The following STAP1 variants were observed in gnomAD, a reference collection of about 807,000 sequenced individuals.
STAP1 encodes signal transducing adaptor family member 1, also known as signal-transducing adaptor protein 1.
Under a neutral mutation model 37.8 loss-of-function variants are expected in STAP1, and 30 were observed. That is an observed-to-expected ratio of 0.79 (90% CI 0.59 to 1.08). The LOEUF is 1.08. Ranked by LOEUF, STAP1 falls within the 50% of genes least tolerant of loss-of-function variation. STAP1 has a pLI of 0.00. For synonymous variants in STAP1, 130 were observed against 116.0 expected (o/e 1.12, Z -0.78); for missense variants, 357 against 349.4 (o/e 1.02, Z -0.17).
chr4:67,559,225 A>G (rs1215299686), intron 1 of STAP1, among the ~76,000 whole-genome samples: 1 of 152,188 alleles, frequency 6.6e-6, no homozygotes, highest in Non-Finnish European at 1.5e-5. Flanking sequence ...ATCACAAAAG[A>G]TTTTGGCTTG....
intron 8 of STAP1, 132 bp downstream of exon 8, chr4:67,593,488 G>A (rs1728164155): frequency 1.5e-6 from 1 of 647,936 alleles, no homozygotes; most frequent in Non-Finnish European, 2.6e-6. Flanking sequence ...TATCCATTTG[G>A]AAATCATTTT....
At chr4:67,583,141 A>G (rs541460608) in intron 5 of STAP1, among the ~76,000 whole-genome samples, 1 of 152,334 alleles carries the variant, frequency 6.6e-6, no homozygotes, top group South Asian at 2.1e-4. Flanking sequence ...ATGAGTGCAA[A>G]CATATTTAAA....
intron 7 of STAP1, 105 bp downstream of exon 7, chr4:67,591,058 A>T (rs1253630199): frequency 9.8e-6 from 6 of 615,028 alleles, no homozygotes; most frequent in Non-Finnish European, 1.3e-5. Flanking sequence ...AATGTGGCAG[A>T]TATACAAGGT....
chr4:67,575,308 A>T, intron 2 of STAP1, 77 bp from the exon 3 acceptor site: 2 of 890,768 alleles, frequency 2.2e-6, no homozygotes, highest in African/African-American at 1.8e-5. Context: ...GGAAGATATT[A>T]CTTATTTTGC....
intron 6 of STAP1, among the ~76,000 whole-genome samples, chr4:67,587,059 G>C (rs1429826375): frequency 6.6e-6 from 1 of 152,162 alleles, no homozygotes; most frequent in East Asian, 1.9e-4. Context: ...CCTCAAAACA[G>C]GTGTTTCAGA....
At chr4:67,581,874 A>G (rs749307109) in intron 5 of STAP1, among the ~76,000 whole-genome samples, 1 of 152,266 alleles carries the variant, frequency 6.6e-6, no homozygotes, top group Non-Finnish European at 1.5e-5. Context: ...CTGACCAATT[A>G]GTCAGTAGTC....
At chr4:67,600,546 G>C (rs748101898) in intron 8 of STAP1, among the ~76,000 whole-genome samples, 1 of 152,052 alleles carries the variant, frequency 6.6e-6, no homozygotes, top group Non-Finnish European at 1.5e-5. Flanking sequence ...GATTATGTCC[G>C]ATGTTTGTTG....
chr4:67,567,592 C>G (rs1727500263), intron 1 of STAP1, among the ~76,000 whole-genome samples: 1 of 152,194 alleles, frequency 6.6e-6, no homozygotes, highest in East Asian at 1.9e-4. Flanking sequence ...TTACAGCAAA[C>G]AATAATTTTC....
At chr4:67,559,127 T>C (rs1336842386) in intron 1 of STAP1, among the ~76,000 whole-genome samples, 198 bp downstream of exon 1, 4 of 152,180 alleles carry the variant, frequency 2.6e-5, no homozygotes, top group Non-Finnish European at 5.9e-5. Flanking sequence ...TATACACATA[T>C]ATAATATGTA....
At chr4:67,563,577 C>G (rs1486947505) in intron 1 of STAP1, among the ~76,000 whole-genome samples, 1 of 152,090 alleles carries the variant, frequency 6.6e-6, no homozygotes, top group Non-Finnish European at 1.5e-5. Context: ...GGTGGCACAC[C>G]CTGTATTCTC....
intron 8 of STAP1, among the ~76,000 whole-genome samples, chr4:67,604,255 G>A (rs576017010): frequency 1.1e-4 from 16 of 152,216 alleles, no homozygotes; most frequent in Non-Finnish European, 5.9e-5. Context: ...TGGGGGAAGA[G>A]ACCAGGTTGG....
intron 6 of STAP1, among the ~76,000 whole-genome samples, chr4:67,587,153 C>T (rs929340732): frequency 5.3e-5 from 8 of 152,170 alleles, no homozygotes; most frequent in Non-Finnish European, 1.2e-4. Flanking sequence ...GCTTGTTATA[C>T]TGTACGACTT....
At chr4:67,571,011 C>T in intron 1 of STAP1, 73 bp from the exon 2 acceptor site, 1 of 1,235,808 alleles carries the variant, frequency 8.1e-7, no homozygotes, top group Non-Finnish European at 1.2e-6. Context: ...AAGAAAGTTA[C>T]AAAGGATAAT....
intron 1 of STAP1, among the ~76,000 whole-genome samples, chr4:67,561,903 C>A (rs1323354686): frequency 6.6e-6 from 1 of 151,804 alleles, no homozygotes; most frequent in Non-Finnish European, 1.5e-5. Context: ...GAAACCCCGT[C>A]TCTACTAAAA....
chr4:67,593,234 T>C (rs1342815962), intron 7 of STAP1, 26 bp from the exon 8 acceptor site: 3 of 1,550,352 alleles, frequency 1.9e-6, no homozygotes, highest in Non-Finnish European at 2.6e-6. Flanking sequence ...TGATGCTGAG[T>C]TTTCTCTCAC....
At chr4:67,568,885 G>C (rs1202723112) in intron 1 of STAP1, among the ~76,000 whole-genome samples, 1 of 152,176 alleles carries the variant, frequency 6.6e-6, no homozygotes, top group Non-Finnish European at 1.5e-5. Context: ...ACATGCGTAG[G>C]CTTCCACTGA....
chr4:67,562,753 C>A (rs1002923852), intron 1 of STAP1, among the ~76,000 whole-genome samples: 1 of 151,860 alleles, frequency 6.6e-6, no homozygotes, highest in Non-Finnish European at 1.5e-5. Context: ...ACCTGGGCAA[C>A]AGAGGGAGAC....
rs756002065 is a variant in STAP1 at position 67,558,928 on chromosome 4, G to A, written c.119G>A (p.Arg40Gln). 71 of 1,610,700 alleles carry A rather than the reference G, an allele frequency of 4.4e-5. No homozygotes were observed. Among genetic ancestry groups the A allele is most frequent in the Non-Finnish European group, 5.3e-5 (62 of 1,178,474 alleles). Reference sequence around the variant, plus strand: ...TTATTAATCAAGCGGTCAGGATACCGGGTGAGTCTATAGATGATAATGTTA... The same window carrying A: ...TTATTAATCAAGCGGTCAGGATACCAGGTGAGTCTATAGATGATAATGTTA... Reference protein sequence around the residue: ...GFLLIKRSGYREYEHYWTELR... With the variant: ...GFLLIKRSGYQEYEHYWTELR... Residue 40 changes from arginine to glutamine, a missense_variant and splice_region_variant, in exon 1 of 9, where the codon CGG becomes CAG. Arg to Gln is a conservative substitution (Grantham distance 43). Transcript: ENST00000265404.
chr4:67,573,362 T>C (rs1370469901), intron 2 of STAP1, among the ~76,000 whole-genome samples: 1 of 152,170 alleles, frequency 6.6e-6, no homozygotes, highest in Non-Finnish European at 1.5e-5. Flanking sequence ...CAGATGTCAG[T>C]GAGGTTAGAC....
Sources: allele counts gnomAD v4.1 joint callset (sites outside exome capture counted in the v4.1 genomes callset), GRCh38; gene constraint gnomAD v4.1.1; transcripts MANE v1.5; gene names NCBI Gene and HGNC (gene_info 2026-07-23, HGNC 2026-07-21).